The following EYA4 variants were observed in gnomAD, a reference collection of about 807,000 sequenced individuals.
EYA4 encodes protein phosphatase EYA4.
Under a neutral mutation model 87.9 loss-of-function variants are expected in EYA4, and 31 were observed. That is an observed-to-expected ratio of 0.35 (90% confidence interval 0.27 to 0.48). The LOEUF is 0.48. Among genes scored for constraint, EYA4 ranks in the 20% least tolerant of loss-of-function variants. The probability of loss-of-function intolerance (pLI) is 0.99; values close to 1 mark genes in which losing one functional copy is unlikely to be tolerated. For synonymous variants in EYA4, 263 were observed against 270.6 expected, an observed-to-expected ratio of 0.97 and a Z score of 0.28; for missense variants, 678 against 761.4, an observed-to-expected ratio of 0.89 and a Z score of 1.29.
rs548695542 is a variant in EYA4 at position 133,398,121 on chromosome 6, G to T, written c.83+15680G>T. Among the ~76,000 whole-genome samples, 20 of 152,178 alleles carry T rather than the reference G, an allele frequency of 1.3e-4. 1 individual carries two copies. The highest frequency in any genetic ancestry group is 4.4e-5 in the Non-Finnish European group (3 of 68,028). ...GAGATAAAACTGGAAAAAAGAAAAG[G>T]GGGGGAGGACAGTGCAAGATATCAG... On this transcript the variant is annotated intron_variant, in intron 3 of 19. Coordinates refer to ENST00000355286, the MANE Select transcript of EYA4 (RefSeq NM_004100.5).
chr6:133,518,576 A>G (rs1245286403), intron 17 of EYA4, among the ~76,000 whole-genome samples: 2 of 152,178 alleles, frequency 1.3e-5, no homozygotes. Context: ...TCTGACCCTA[A>G]TTATTCTGTG....
chr6:133,326,860 C>T (rs1238974415), intron 2 of EYA4, among the ~76,000 whole-genome samples: 1 of 151,856 alleles, frequency 6.6e-6, no homozygotes, highest in Non-Finnish European at 1.5e-5. Context: ...TACATGATTC[C>T]ATCTCTTGGC....
intron 3 of EYA4, among the ~76,000 whole-genome samples, chr6:133,446,016 G>T (rs916899604): frequency 6.6e-5 from 10 of 152,172 alleles, no homozygotes; most frequent in African/African-American, 2.4e-4. Flanking sequence ...TACAAAACCA[G>T]CTGTCAGGAC....
At chr6:133,293,141 CA>C (rs909810029) in intron 2 of EYA4, among the ~76,000 whole-genome samples, 14 of 152,162 alleles carry the variant, frequency 9.2e-5, no homozygotes, top group African/African-American at 3.1e-4. Flanking sequence ...TCAGCATCCT[CA>C]ATTCCTCCTA....
chr6:133,504,504 T>TATC (rs1798420338), intron 13 of EYA4, among the ~76,000 whole-genome samples: 1 of 152,188 alleles, frequency 6.6e-6, no homozygotes, highest in South Asian at 2.1e-4. Context: ...AGCGTATTAT[T>TATC]ATCTTGTCTC....
intron 2 of EYA4, among the ~76,000 whole-genome samples, chr6:133,323,041 C>G (rs1465999756): frequency 1.3e-5 from 2 of 151,016 alleles, no homozygotes; most frequent in Non-Finnish European, 3.0e-5. Flanking sequence ...TCATTTTATT[C>G]TCTATATCTA....
intron 2 of EYA4, among the ~76,000 whole-genome samples, chr6:133,351,251 A>G (rs1380740151): frequency 6.6e-6 from 1 of 152,174 alleles, no homozygotes; most frequent in Admixed American, 6.5e-5. Context: ...TGTGTCCGGT[A>G]TTTAGTGAGG....
At chr6:133,505,128 G>A (rs189556385) in intron 13 of EYA4, among the ~76,000 whole-genome samples, 18 of 152,046 alleles carry the variant, frequency 1.2e-4, no homozygotes, top group African/African-American at 9.7e-5. Flanking sequence ...TCTTATCTTC[G>A]GAGTTGCACC....
At chr6:133,342,592 T>G (rs1583010732) in intron 2 of EYA4, among the ~76,000 whole-genome samples, 1 of 97,816 alleles carries the variant, frequency 1.0e-5, no homozygotes, top group African/African-American at 3.6e-5. Context: ...TATATATATA[T>G]ATATATATAT....
At chr6:133,345,237 T>C (rs1226307348) in intron 2 of EYA4, among the ~76,000 whole-genome samples, 1 of 152,204 alleles carries the variant, frequency 6.6e-6, no homozygotes, top group Non-Finnish European at 1.5e-5. Flanking sequence ...TCTTTTCATA[T>C]AGTTTGCTAA....
At chr6:133,457,420 A>C (rs1270646743) in intron 6 of EYA4, among the ~76,000 whole-genome samples, 1 of 152,156 alleles carries the variant, frequency 6.6e-6, no homozygotes, top group Non-Finnish European at 1.5e-5. Context: ...ATTTGTGGTA[A>C]TTGAATCTCG....
intron 14 of EYA4, among the ~76,000 whole-genome samples, chr6:133,508,435 TG>T (rs1360362812): frequency 6.6e-6 from 1 of 152,108 alleles, no homozygotes; most frequent in African/African-American, 2.4e-5. Context: ...TTAGTTTTTC[TG>T]TTGATCAGTA....
intron 17 of EYA4, 66 bp from the exon 18 acceptor site, chr6:133,522,990 A>G: frequency 7.1e-7 from 1 of 1,415,374 alleles, no homozygotes; most frequent in Non-Finnish European, 1.0e-6. Context: ...CACAGTGACA[A>G]TTTTAAATCT....
At chr6:133,462,499 C>G in intron 8 of EYA4, 22 bp downstream of exon 8, 1 of 1,613,924 alleles carries the variant, frequency 6.2e-7, no homozygotes, top group Non-Finnish European at 8.5e-7. Flanking sequence ...CTTCTGTTTT[C>G]TTCTTTGGTT....
rs142414061 is a variant in EYA4 at position 133,490,136 on chromosome 6, G to A, written c.1191+7021G>A. ...AATTAATGAGTTATATTATTTGCAA[G>A]CCTCATGATAACTGCAAATCAAAAA... On this transcript the variant is annotated intron_variant, in intron 13 of 19. Transcript: ENST00000355286. Among the ~76,000 whole-genome samples, 793 of 152,110 alleles carry A rather than the reference G, an allele frequency of 5.2e-3. 2 individuals are homozygous for A. The highest frequency in any genetic ancestry group is 9.7e-3 in the Admixed American group (148 of 15,264).
chr6:133,352,818 CAAGACAGAATGAAAG>C (rs1783737653), intron 2 of EYA4, among the ~76,000 whole-genome samples: 1 of 152,050 alleles, frequency 6.6e-6, no homozygotes, highest in Admixed American at 6.6e-5. Flanking sequence ...AAGAATCATG[CAAGACAGAATGAAAG>C]TTGGAAAATC....
intron 6 of EYA4, among the ~76,000 whole-genome samples, chr6:133,457,427 C>A (rs373412114): frequency 1.3e-5 from 2 of 152,090 alleles, no homozygotes; most frequent in Admixed American, 6.6e-5. Context: ...GTAATTGAAT[C>A]TCGGTTCTGT....
chr6:133,523,547 G>T (rs1013456000), intron 18 of EYA4, among the ~76,000 whole-genome samples: 1 of 152,108 alleles, frequency 6.6e-6, no homozygotes, highest in Non-Finnish European at 1.5e-5. Flanking sequence ...TTTTGGCTTT[G>T]CAGGGGATTC....
intron 14 of EYA4, among the ~76,000 whole-genome samples, chr6:133,506,597 G>T (rs1798650262): frequency 6.6e-6 from 1 of 152,172 alleles, no homozygotes; most frequent in African/African-American, 2.4e-5. Context: ...TGGATAATCT[G>T]AAACTTAACT....
Sources: gnomAD v4.1 joint callset for allele counts (sites outside exome capture counted in the v4.1 genomes callset) on GRCh38, gnomAD v4.1.1 for gene constraint, MANE v1.5 for transcripts, NCBI Gene and HGNC (gene_info 2026-07-23, HGNC 2026-07-21) for gene names.